The following SIPA1L1 variants were observed in gnomAD, a reference collection of about 807,000 sequenced individuals.
SIPA1L1 encodes signal induced proliferation associated 1 like 1.
SIPA1L1 carries 26 observed loss-of-function variants against 162.7 expected under a neutral mutation model. That is an observed-to-expected ratio of 0.16 (90% CI 0.12 to 0.22). The LOEUF (loss-of-function observed/expected upper bound fraction) is 0.22, where lower values mean the gene tolerates loss of function less well. Ranked by LOEUF, SIPA1L1 falls within the 10% of genes least tolerant of loss-of-function variation. SIPA1L1 has a pLI of 1.00. For synonymous variants in SIPA1L1, 829 were observed against 837.4 expected (o/e 0.99, Z 0.17); for missense variants, 1,874 against 2,241.0 (o/e 0.84, Z 3.31).
intron 2 of SIPA1L1, among the ~76,000 whole-genome samples, chr14:71,354,592 T>TAA (rs79840455): frequency 7.1e-6 from 1 of 141,156 alleles, no homozygotes. Flanking sequence ...CTTCATTTCT[T>TAA]AAAAAAAAAA....
intron 2 of SIPA1L1, among the ~76,000 whole-genome samples, chr14:71,329,276 G>A (rs530796012): frequency 2.0e-5 from 3 of 152,216 alleles, no homozygotes; most frequent in East Asian, 1.9e-4. Context: ...ACCCAGAAGC[G>A]GGATTGCTGG....
chr14:71,596,405 A>C (rs1454970486), intron 5 of SIPA1L1, among the ~76,000 whole-genome samples: 1 of 152,208 alleles, frequency 6.6e-6, no homozygotes, highest in African/African-American at 2.4e-5. Flanking sequence ...ACTTTTAACT[A>C]ATCCTATTTC....
intron 7 of SIPA1L1, among the ~76,000 whole-genome samples, chr14:71,645,526 C>T (rs1369556137): frequency 6.6e-6 from 1 of 152,190 alleles, no homozygotes; most frequent in African/African-American, 2.4e-5. Flanking sequence ...TATATATACG[C>T]TGCATTTCAT....
chr14:71,529,627 A>G lies in SIPA1L1; in HGVS notation c.-303+257A>G, dbSNP rs2053237307. ...TGCCTGTAAATAGTACTGACTGAAC[A>G]TTAGGGTTGGATCCATATCATGCGT... On this transcript the variant is annotated intron_variant, in intron 4 of 23. Coordinates refer to ENST00000381232, the MANE Select transcript of SIPA1L1 (RefSeq NM_001386936.1). Among the ~76,000 whole-genome samples the G allele has an allele frequency of 2.0e-5, 3 of 152,200 alleles. No homozygotes were observed. In the South Asian group the frequency reaches 6.2e-4, roughly 32 times the overall value.
At position 71,429,986 on chromosome 14, in the gene SIPA1L1, T is replaced by A. The variant is rs79343237; in HGVS notation, c.-464-82757T>A. On this transcript the variant is annotated intron_variant, in intron 2 of 23. Transcript: ENST00000381232. ...AACACCTTGTTTTACAATCTGTGCA[T>A]TGGGGGTAAAGCTAGGTGTGAGGGT... Among the ~76,000 whole-genome samples the A allele has an allele frequency of 4.0e-3, 603 of 152,304 alleles. 1 individual carries two copies. Among genetic ancestry groups the A allele is most frequent in the Middle Eastern group, 0.01 (3 of 294 alleles).
Position 71,588,005 on chromosome 14 carries a change from A to C in SIPA1L1, c.133A>C (p.Ser45Arg), listed in dbSNP as rs771555184. ...GCGGCGCTTCCGGTCCCAAAATGGC[A>C]GCTTAGGATCATCAGTTATGGCTCC... ...YMRRFRSQNG[S>R]LGSSVMAPVG... Residue 45 changes from serine to arginine, a missense_variant, in exon 5 of 24, where the codon AGC becomes CGC. Coordinates refer to ENST00000381232, the MANE Select transcript of SIPA1L1 (RefSeq NM_001386936.1). The surrounding 1 kb of genome is among the most constrained non-coding windows in gnomAD (Gnocchi z 4.3). 6.2e-7 allele frequency: 1 copy of C among 1,614,164 alleles called. No individual in the cohort carries two copies. Among genetic ancestry groups the C allele is most frequent in the Non-Finnish European group, 8.5e-7 (1 of 1,179,986 alleles).
intron 2 of SIPA1L1, among the ~76,000 whole-genome samples, chr14:71,443,019 A>G (rs1258570220): frequency 1.3e-5 from 2 of 152,232 alleles, no homozygotes; most frequent in Non-Finnish European, 2.9e-5. Flanking sequence ...AGGATAATGT[A>G]TGGCATGTTG....
intron 2 of SIPA1L1, among the ~76,000 whole-genome samples, chr14:71,449,678 G>A (rs887765359): frequency 3.3e-5 from 5 of 152,180 alleles, no homozygotes; most frequent in Non-Finnish European, 7.3e-5. Flanking sequence ...TTATATGTAC[G>A]TAACATAAAA....
At chr14:71,497,773 A>G (rs1177000026) in intron 2 of SIPA1L1, 1 of 152,198 alleles carries the variant, frequency 6.6e-6, no homozygotes, top group African/African-American at 2.4e-5. Flanking sequence ...AGTTGTTGCC[A>G]GTTTTGAGTG....
At chr14:71,640,669 G>T (rs141105863) in intron 7 of SIPA1L1, among the ~76,000 whole-genome samples, 3,344 of 152,238 alleles carry the variant, frequency 0.022, 126 homozygotes, top group African/African-American at 0.076. Context: ...CTATTGCCCA[G>T]GCTGGAGTGC....
intron 2 of SIPA1L1, among the ~76,000 whole-genome samples, chr14:71,342,259 G>T (rs930443186): frequency 1.3e-5 from 2 of 151,920 alleles, no homozygotes; most frequent in Non-Finnish European, 2.9e-5. Context: ...CTGCATTTTT[G>T]GGGGCCATTT....
chr14:71,378,578 A>G (rs2039619253), intron 2 of SIPA1L1, among the ~76,000 whole-genome samples: 1 of 152,220 alleles, frequency 6.6e-6, no homozygotes, highest in Non-Finnish European at 1.5e-5. Context: ...GTCTTGATAA[A>G]TGTACCATGT....
chr14:71,671,808 C>A, intron 11 of SIPA1L1, 116 bp downstream of exon 11: 1 of 737,826 alleles, frequency 1.4e-6, no homozygotes, highest in East Asian at 2.7e-5. Context: ...TGAAAACTCC[C>A]TTGATGTGTG....
chr14:71,631,555 G>T (rs1478247445), intron 7 of SIPA1L1, among the ~76,000 whole-genome samples: 3 of 152,122 alleles, frequency 2.0e-5, no homozygotes, highest in Non-Finnish European at 4.4e-5. Flanking sequence ...TACCCAATAT[G>T]AAACTTTTTA....
chr14:71,702,123 T>C (rs972971764), intron 14 of SIPA1L1, among the ~76,000 whole-genome samples: 1 of 152,228 alleles, frequency 6.6e-6, no homozygotes, highest in Non-Finnish European at 1.5e-5. Flanking sequence ...AGCTCAGTCC[T>C]AATGGCTTCC....
intron 2 of SIPA1L1, among the ~76,000 whole-genome samples, chr14:71,390,392 T>C (rs2040649563): frequency 6.6e-6 from 1 of 152,220 alleles, no homozygotes; most frequent in Admixed American, 6.5e-5. Context: ...TTGTATCGTG[T>C]TTATGAACTT....
At chr14:71,463,467 G>C (rs2046761111) in intron 2 of SIPA1L1, among the ~76,000 whole-genome samples, 1 of 152,152 alleles carries the variant, frequency 6.6e-6, no homozygotes, top group Non-Finnish European at 1.5e-5. Context: ...GGGTCCCCTG[G>C]AATCAGCATC....
intron 5 of SIPA1L1, among the ~76,000 whole-genome samples, chr14:71,613,983 C>T (rs2038524309): frequency 1.3e-5 from 2 of 151,984 alleles, no homozygotes; most frequent in Admixed American, 6.5e-5. Flanking sequence ...GGGAAGATCA[C>T]CTGAGGTCAG....
At chr14:71,439,652 G>A (rs2044677791) in intron 2 of SIPA1L1, among the ~76,000 whole-genome samples, 1 of 152,200 alleles carries the variant, frequency 6.6e-6, no homozygotes, top group South Asian at 2.1e-4. Flanking sequence ...ATAAAATTTG[G>A]TAGCACAGTC....
Sources: gnomAD v4.1 joint callset for allele counts (sites outside exome capture counted in the v4.1 genomes callset) on GRCh38, gnomAD v4.1.1 for gene constraint, Gnocchi (gnomAD v3.1) non-coding constraint, MANE v1.5 for transcripts, NCBI Gene and HGNC (gene_info 2026-07-23, HGNC 2026-07-21) for gene names.